RABGAP1L: variants seen among roughly 807,000 people sequenced by gnomAD.
The protein encoded by RABGAP1L is RAB GTPase activating protein 1 like.
In RABGAP1L, 63 loss-of-function variants were observed where a neutral mutation model predicts 137.7. The ratio of observed to expected loss-of-function variants is 0.46; its 90% CI spans 0.37 to 0.56. The LOEUF is 0.56. Ranked by LOEUF, RABGAP1L falls within the 20% of genes least tolerant of loss-of-function variation. The pLI, the probability that RABGAP1L is intolerant of heterozygous loss-of-function variation, is 0.00. For missense variants in RABGAP1L, 1,095 were observed against 1,244.0 expected (o/e 0.88, Z 1.80); for synonymous variants, 431 against 433.7 (o/e 0.99, Z 0.08).
chr1:174,855,224 A>G (rs1453822888), intron 19 of RABGAP1L, among the ~76,000 whole-genome samples: 1 of 152,066 alleles, frequency 6.6e-6, no homozygotes, highest in East Asian at 1.9e-4. Flanking sequence ...AGACCAATCT[A>G]TTTTCTGCCT....
rs541994230 is a variant in RABGAP1L at position 174,238,883 on chromosome 1, A to C, written c.543-2600A>C. On this transcript the variant is annotated intron_variant, in intron 4 of 25. Transcript: ENST00000681986. ...TCCCCCAGCCTTGCTGCCGCCTTGC[A>C]GTTTGATCTCAGACTGCTGTGCTAG... is the stretch of plus-strand genomic sequence containing the variant. 5.7e-5 allele frequency: 9 copies of C among 158,064 alleles called. No homozygotes were observed. In the South Asian group the frequency reaches 1.5e-3, roughly 27 times the overall value. 9.8% of individuals were successfully genotyped at this position (158,064 alleles called of 1,614,324 possible).
intron 13 of RABGAP1L, among the ~76,000 whole-genome samples, chr1:174,506,185 A>G (rs569606171): frequency 2.7e-4 from 41 of 152,340 alleles, no homozygotes; most frequent in Middle Eastern, 3.4e-3. Context: ...TTTCACTTTT[A>G]TAGGAGGAAT....
At chr1:174,358,806 T>G (rs1163723247) in intron 11 of RABGAP1L, among the ~76,000 whole-genome samples, 1 of 152,210 alleles carries the variant, frequency 6.6e-6, no homozygotes, top group South Asian at 2.1e-4. Flanking sequence ...TCCTCTCCCT[T>G]CACTCATTCA....
intron 1 of RABGAP1L, among the ~76,000 whole-genome samples, chr1:174,192,980 A>C (rs1272822865): frequency 6.6e-6 from 1 of 152,242 alleles, no homozygotes; most frequent in Non-Finnish European, 1.5e-5. Context: ...ATATTAAATA[A>C]AACAAATTAA....
At chr1:174,843,411 T>C (rs1210455146) in intron 19 of RABGAP1L, among the ~76,000 whole-genome samples, 1 of 151,082 alleles carries the variant, frequency 6.6e-6, no homozygotes, top group African/African-American at 2.4e-5. Context: ...CAGAGTGTGA[T>C]ATTCCCCTTC....
Position 174,578,757 on chromosome 1 carries a change from G to T in RABGAP1L, c.1711-58618G>T, listed in dbSNP as rs555307318. 2.6e-5 allele frequency among the ~76,000 whole-genome samples: 4 copies of T among 152,168 alleles called. No individual in the cohort carries two copies. In the South Asian group the frequency reaches 8.3e-4, roughly 32 times the overall value. ...GACCTTTCTAATTGAATTTTTTGAA[G>T]AAATAAACATTGTATTTTCTAAGAT... On this transcript the variant is annotated intron_variant, in intron 13 of 25. Coordinates refer to ENST00000681986, the MANE Select transcript of RABGAP1L (RefSeq NM_001366446.1).
chr1:174,813,477 G>T (rs1327705942), intron 19 of RABGAP1L, among the ~76,000 whole-genome samples: 1 of 152,150 alleles, frequency 6.6e-6, no homozygotes, highest in African/African-American at 2.4e-5. Flanking sequence ...CAGAGCCACT[G>T]TAACATTTTT....
chr1:174,400,521 T>C (rs1571622184), intron 13 of RABGAP1L, among the ~76,000 whole-genome samples: 1 of 152,212 alleles, frequency 6.6e-6, no homozygotes, highest in Admixed American at 6.5e-5. Context: ...GACTTATTTG[T>C]ATAGTTATTT....
rs539112524 is a variant in RABGAP1L at position 174,929,941 on chromosome 1, C to T, written c.2341-27516C>T. On this transcript the variant is annotated intron_variant, in intron 19 of 25. Coordinates refer to ENST00000681986, the MANE Select transcript of RABGAP1L (RefSeq NM_001366446.1). ...TCTCAGCTCACTGCAGCCTCAGCCT[C>T]CTGGGCTCAAGTGATCCTCCCACCT... is the stretch of plus-strand genomic sequence containing the variant. Among the ~76,000 whole-genome samples the T allele has an allele frequency of 6.8e-4, 102 of 149,498 alleles. 1 individual carries two copies. The highest frequency in any genetic ancestry group is 2.3e-3 in the African/African-American group (95 of 40,714).
At chr1:174,884,668 C>T (rs770180357) in intron 19 of RABGAP1L, among the ~76,000 whole-genome samples, 12 of 152,168 alleles carry the variant, frequency 7.9e-5, no homozygotes, top group African/African-American at 1.9e-4. Context: ...GATTTTATCA[C>T]GTGGACAGCA....
intron 14 of RABGAP1L, among the ~76,000 whole-genome samples, chr1:174,659,178 T>C (rs1283319226): frequency 2.6e-5 from 4 of 151,646 alleles, no homozygotes; most frequent in Non-Finnish European, 4.4e-5. Context: ...CTTAAGTTTG[T>C]ATGGTGGTTT....
chr1:174,989,459 G>C (rs1671891927), intron 25 of RABGAP1L, among the ~76,000 whole-genome samples: 1 of 152,114 alleles, frequency 6.6e-6, no homozygotes, highest in Admixed American at 6.5e-5. Context: ...CATTCTTAGG[G>C]CAAAGCCTAT....
chr1:174,660,877 G>A (rs1427134681), intron 14 of RABGAP1L, among the ~76,000 whole-genome samples: 1 of 151,976 alleles, frequency 6.6e-6, no homozygotes, highest in African/African-American at 2.4e-5. Context: ...CTTTGTCACC[G>A]TTGCACTTAT....
chr1:174,472,018 A>G (rs1658000745), intron 13 of RABGAP1L, among the ~76,000 whole-genome samples: 1 of 152,252 alleles, frequency 6.6e-6, no homozygotes, highest in African/African-American at 2.4e-5. Context: ...CATGCTGTGT[A>G]TAAGCCACCA....
intron 19 of RABGAP1L, among the ~76,000 whole-genome samples, chr1:174,876,804 G>A (rs1653185417): frequency 6.6e-6 from 1 of 152,086 alleles, no homozygotes; most frequent in African/African-American, 2.4e-5. Context: ...GGAAAAGGGA[G>A]TAATGATTAT....
intron 19 of RABGAP1L, among the ~76,000 whole-genome samples, chr1:174,853,679 C>T (rs1038458651): frequency 3.3e-5 from 5 of 152,014 alleles, no homozygotes; most frequent in African/African-American, 4.8e-5. Flanking sequence ...TGCGGTGAGC[C>T]GAGATGGCGC....
chr1:174,197,414 C>T (rs1422825419), intron 1 of RABGAP1L, among the ~76,000 whole-genome samples: 1 of 151,110 alleles, frequency 6.6e-6, no homozygotes, highest in East Asian at 1.9e-4. Flanking sequence ...TCATGATGGT[C>T]AGTAGAAGAT....
At chr1:174,230,397 TA>T (rs929886770) in intron 3 of RABGAP1L, among the ~76,000 whole-genome samples, 1 of 151,636 alleles carries the variant, frequency 6.6e-6, no homozygotes, top group Non-Finnish European at 1.5e-5. Context: ...TAAAGTATAG[TA>T]AAAAAAAGAA....
chr1:174,890,635 A>G (rs1254803785), intron 19 of RABGAP1L, among the ~76,000 whole-genome samples: 2 of 152,188 alleles, frequency 1.3e-5, no homozygotes, highest in Admixed American at 1.3e-4. Context: ...CTGTTTTCCC[A>G]GCAGTTTTAG....
Sources: allele counts gnomAD v4.1 joint callset (sites outside exome capture counted in the v4.1 genomes callset), GRCh38; gene constraint gnomAD v4.1.1; transcripts MANE v1.5; gene names NCBI Gene and HGNC (gene_info 2026-07-23, HGNC 2026-07-21).